Variants in STIM1 observed in about 807,000 individuals in gnomAD.
The protein encoded by STIM1 is stromal interaction molecule 1.
In STIM1, 25 loss-of-function variants were observed where a neutral mutation model predicts 74.7. That is an observed-to-expected ratio of 0.33 (90% CI 0.24 to 0.47). The LOEUF is 0.47. STIM1 is among the 20% of genes least tolerant of loss of function. The pLI, the probability that STIM1 is intolerant of heterozygous loss-of-function variation, is 1.00. For missense variants in STIM1, 728 were observed against 920.8 expected (o/e 0.79, Z 2.71); for synonymous variants, 328 against 348.8 (o/e 0.94, Z 0.66).
chr11:3,937,891 C>T (rs545716439), intron 1 of STIM1, among the ~76,000 whole-genome samples: 8 of 151,994 alleles, frequency 5.3e-5, no homozygotes, highest in Admixed American at 4.6e-4. Flanking sequence ...GGTGTCCCCC[C>T]CTACCTTTAA....
chr11:4,091,104 CCT>C (rs1168579106), intron 12 of STIM1, among the ~76,000 whole-genome samples, 176 bp from the exon 13 acceptor site: 1 of 152,048 alleles, frequency 6.6e-6, no homozygotes, highest in Non-Finnish European at 1.5e-5. Context: ...TCTGTCTATT[CCT>C]CTTTCCTCTC....
At chr11:3,931,506 A>G (rs899237481) in intron 1 of STIM1, among the ~76,000 whole-genome samples, 3 of 152,144 alleles carry the variant, frequency 2.0e-5, no homozygotes, top group Non-Finnish European at 4.4e-5. Context: ...ATAGGACTTA[A>G]CACCTTTAGA....
chr11:4,059,227 A>T, intron 4 of STIM1, 54 bp from the exon 5 acceptor site: 2 of 1,487,400 alleles, frequency 1.3e-6, no homozygotes, highest in Non-Finnish European at 1.9e-6. Context: ...TCCTACCAGG[A>T]TCCTTCCTGG....
intron 2 of STIM1, among the ~76,000 whole-genome samples, chr11:3,974,820 G>T (rs1225778029): frequency 1.3e-5 from 2 of 151,956 alleles, no homozygotes; most frequent in Non-Finnish European, 2.9e-5. Flanking sequence ...TTGCTCCATG[G>T]GCAAAAGATT....
intron 1 of STIM1, among the ~76,000 whole-genome samples, chr11:3,891,349 G>T (rs2091890727): frequency 6.6e-6 from 1 of 151,474 alleles, no homozygotes; most frequent in African/African-American, 2.4e-5. Flanking sequence ...GAGTGCAGTG[G>T]CACGATCTCG....
At chr11:3,902,387 T>C (rs943530695) in intron 1 of STIM1, among the ~76,000 whole-genome samples, 3 of 152,206 alleles carry the variant, frequency 2.0e-5, no homozygotes, top group Non-Finnish European at 2.9e-5. Flanking sequence ...CCAATCTTTT[T>C]GGCACCAGGG....
intron 4 of STIM1, chr11:4,058,896 A>G (rs977913038): frequency 1.8e-6 from 2 of 1,090,020 alleles, no homozygotes; most frequent in Non-Finnish European, 1.1e-6. Flanking sequence ...GTCATATGAC[A>G]TGACAGTTTG....
chr11:3,891,280 A>C (rs1296975894), intron 1 of STIM1, among the ~76,000 whole-genome samples: 1 of 150,390 alleles, frequency 6.6e-6, no homozygotes, highest in East Asian at 2.0e-4. Context: ...TTAAATAAAA[A>C]AAATTTTATT....
chr11:3,961,837 G>A (rs2093289200), intron 1 of STIM1, among the ~76,000 whole-genome samples: 1 of 152,140 alleles, frequency 6.6e-6, no homozygotes, highest in African/African-American at 2.4e-5. Context: ...CAAAGGAGCT[G>A]ATAGAAAAAG....
At chr11:4,053,577 G>T in intron 3 of STIM1, among the ~76,000 whole-genome samples, 1 of 148,210 alleles carries the variant, frequency 6.7e-6, no homozygotes, top group South Asian at 2.1e-4. Context: ...ACTGAGGCCT[G>T]TTGTGGGGTG....
chr11:4,016,951 C>T lies in STIM1; in HGVS notation c.271-6922C>T, dbSNP rs149730668. 1.7e-3 allele frequency among the ~76,000 whole-genome samples: 256 copies of T among 152,344 alleles called. 1 individual carries two copies. The highest frequency in any genetic ancestry group is 5.7e-3 in the African/African-American group (238 of 41,592). On this transcript the variant is annotated intron_variant, in intron 2 of 12. Transcript: ENST00000526596. ...AAAGTGCGGTATTTGGGCAGCAGTG[C>T]ACTGTTCCACCAGGTAGAGTCACTC... is the stretch of plus-strand genomic sequence containing the variant.
intron 2 of STIM1, among the ~76,000 whole-genome samples, chr11:4,004,573 A>G (rs1433652489): frequency 2.0e-5 from 3 of 151,594 alleles, no homozygotes; most frequent in Admixed American, 2.0e-4. Flanking sequence ...TATACCTTAT[A>G]CAAAAATTAA....
chr11:3,995,950 C>T (rs965926920), intron 2 of STIM1, among the ~76,000 whole-genome samples: 3 of 151,892 alleles, frequency 2.0e-5, no homozygotes, highest in Non-Finnish European at 4.4e-5. Flanking sequence ...CTGAGAGACT[C>T]CTCCCAGCTG....
intron 3 of STIM1, among the ~76,000 whole-genome samples, chr11:4,038,923 T>A (rs1013709747): frequency 2.0e-5 from 3 of 152,174 alleles, no homozygotes; most frequent in Non-Finnish European, 4.4e-5. Flanking sequence ...AAATGGAAGT[T>A]GGAGAAATAA....
At chr11:4,000,776 T>G (rs1291139966) in intron 2 of STIM1, among the ~76,000 whole-genome samples, 5 of 150,628 alleles carry the variant, frequency 3.3e-5, no homozygotes. Context: ...CTTCAGACAA[T>G]CAAACTACTC....
chr11:3,854,785 G>T, upstream of STIM1: 1 of 152,586 alleles, frequency 6.6e-6, no homozygotes. Context: ...CACTTAGCTT[G>T]GAGGGGAAGG....
intron 2 of STIM1, among the ~76,000 whole-genome samples, chr11:3,968,709 A>G (rs1294171529): frequency 6.6e-6 from 1 of 152,238 alleles, no homozygotes; most frequent in Non-Finnish European, 1.5e-5. Flanking sequence ...TTTAGCCTGG[A>G]GAAGAGGAGA....
chr11:4,024,388 G>A (rs1285529633), intron 3 of STIM1, among the ~76,000 whole-genome samples: 2 of 152,120 alleles, frequency 1.3e-5, no homozygotes, highest in Non-Finnish European at 2.9e-5. Context: ...TTCAAAGATT[G>A]GGTGAGGGTA....
intron 10 of STIM1, 95 bp from the exon 11 acceptor site, chr11:4,084,578 C>A: frequency 9.6e-7 from 1 of 1,039,660 alleles, no homozygotes; most frequent in Non-Finnish European, 1.3e-6. Context: ...CTACCCAATC[C>A]CTGCCCCCAG....
Sources: allele counts gnomAD v4.1 joint callset (sites outside exome capture counted in the v4.1 genomes callset), GRCh38; gene constraint gnomAD v4.1.1; transcripts MANE v1.5; gene names NCBI Gene and HGNC (gene_info 2026-07-23, HGNC 2026-07-21).